SOX13: variants seen among roughly 807,000 people sequenced by gnomAD.
The protein encoded by SOX13 is SRY-box transcription factor 13.
A neutral mutation model predicts 71.8 loss-of-function variants in SOX13; 28 were observed. The observed-to-expected ratio is 0.39, with a 90% CI of 0.29 to 0.53. The LOEUF (loss-of-function observed/expected upper bound fraction) is 0.53, where lower values mean the gene tolerates loss of function less well. SOX13 is among the 20% of genes least tolerant of loss of function. The pLI is 0.70. For synonymous variants in SOX13, 309 were observed against 317.8 expected (o/e 0.97, Z 0.29); for missense variants, 627 against 810.3 (o/e 0.77, Z 2.75).
At chr1:204,102,051 A>G (rs760734652) in intron 1 of SOX13, among the ~76,000 whole-genome samples, 6 of 152,242 alleles carry the variant, frequency 3.9e-5, no homozygotes, top group Non-Finnish European at 8.8e-5. Context: ...TGGCTAGTTA[A>G]GACGGATGCT....
At position 204,122,262 on chromosome 1, in the gene SOX13, C is replaced by T; in HGVS notation, c.887C>T (p.Thr296Ile). ...LQEPSQPLNL[T>I]AKPKAPELPN... ...GAGCCCTCCCAGCCCCTGAACCTCA[C>T]AGCCAAGCCCAAGGCCCCCGAGCTG... The change falls in exon 9 of 14, where the codon ACA (threonine) becomes ATA (isoleucine). Residue 296 changes from threonine to isoleucine, a missense_variant. Physicochemically the swap from Thr to Ile is moderately conservative, Grantham distance 89. Around this residue, in one of 3 missense-constraint regions of SOX13, gnomAD observed 447 missense variants for 532.2 expected, o/e 0.84. Coordinates refer to ENST00000367204, the MANE Select transcript of SOX13 (RefSeq NM_005686.3). 1 of 1,590,986 alleles carries T rather than the reference C, an allele frequency of 6.3e-7. No homozygotes were observed. Among genetic ancestry groups the T allele is most frequent in the Non-Finnish European group, 8.6e-7 (1 of 1,169,128 alleles).
chr1:204,082,767 A>C (rs1013373473), intron 1 of SOX13, among the ~76,000 whole-genome samples: 3 of 152,128 alleles, frequency 2.0e-5, no homozygotes, highest in Non-Finnish European at 4.4e-5. Context: ...GAGAAAGGGG[A>C]CCTGTGTCAA....
At chr1:204,108,829 G>A (rs563842925) in intron 1 of SOX13, among the ~76,000 whole-genome samples, 1 of 152,362 alleles carries the variant, frequency 6.6e-6, no homozygotes, top group Admixed American at 6.5e-5. Context: ...CAGTGCTGCT[G>A]CCTTTTATTT....
chr1:204,109,693 G>A (rs1656538933), intron 1 of SOX13, among the ~76,000 whole-genome samples: 1 of 152,070 alleles, frequency 6.6e-6, no homozygotes, highest in Non-Finnish European at 1.5e-5. Context: ...TATCTGAGAC[G>A]GTTGGTTCCA....
At chr1:204,114,457 G>A in intron 3 of SOX13, 25 bp downstream of exon 3, 1 of 1,607,472 alleles carries the variant, frequency 6.2e-7, no homozygotes, top group Non-Finnish European at 8.5e-7. Flanking sequence ...CTAGTTAGAA[G>A]CAGAGGCCTG....
At chr1:204,112,396 G>A (rs184031479) in intron 1 of SOX13, among the ~76,000 whole-genome samples, 13 of 151,164 alleles carry the variant, frequency 8.6e-5, no homozygotes, top group Non-Finnish European at 1.5e-5. Flanking sequence ...AGCCGAGATC[G>A]TGCCCTTGCA....
chr1:204,115,200 G>A (rs1310745229), intron 4 of SOX13, among the ~76,000 whole-genome samples: 4 of 151,736 alleles, frequency 2.6e-5, no homozygotes, highest in Non-Finnish European at 5.9e-5. Context: ...TAGAGATGAC[G>A]TCTTACTATG....
chr1:204,122,553 C>G, intron 9 of SOX13, 154 bp downstream of exon 9: 1 of 644,078 alleles, frequency 1.6e-6, no homozygotes, highest in Non-Finnish European at 2.7e-6. Context: ...CCCCTTCTTC[C>G]TCTCCCTCAT....
At chr1:204,097,782 A>C (rs1375280294) in intron 1 of SOX13, among the ~76,000 whole-genome samples, 2 of 152,168 alleles carry the variant, frequency 1.3e-5, no homozygotes, top group African/African-American at 2.4e-5. Flanking sequence ...TTTGATAGAA[A>C]TAGGCCAAAT....
At chr1:204,116,803 G>T (rs969394505) in intron 5 of SOX13, 124 bp downstream of exon 5, 79 of 1,499,002 alleles carry the variant, frequency 5.3e-5, no homozygotes, top group Middle Eastern at 5.0e-4. Context: ...GGCTGGGCAG[G>T]GTCTGTGGCC....
At chr1:204,110,062 C>T (rs532274796) in intron 1 of SOX13, among the ~76,000 whole-genome samples, 72 of 152,112 alleles carry the variant, frequency 4.7e-4, no homozygotes, top group African/African-American at 1.6e-3. Flanking sequence ...GAACTCCCGG[C>T]TTCAGGTGCT....
intron 1 of SOX13, among the ~76,000 whole-genome samples, chr1:204,100,577 C>T (rs1010436301): frequency 1.3e-5 from 2 of 152,162 alleles, no homozygotes; most frequent in African/African-American, 2.4e-5. Flanking sequence ...AACAAACAGC[C>T]ACCCATAAAT....
intron 1 of SOX13, among the ~76,000 whole-genome samples, chr1:204,111,252 A>AT (rs1656574843): frequency 6.6e-6 from 1 of 152,184 alleles, no homozygotes; most frequent in Admixed American, 6.5e-5. Context: ...CGGCCATCCT[A>AT]TAGTGTAGAG....
chr1:204,104,708 G>A (rs1247137541), intron 1 of SOX13, among the ~76,000 whole-genome samples: 2 of 152,236 alleles, frequency 1.3e-5, no homozygotes, highest in African/African-American at 2.4e-5. Flanking sequence ...TGTGCCCAGC[G>A]GGGAAGTGTA....
chr1:204,101,504 T>A (rs867252398), intron 1 of SOX13, among the ~76,000 whole-genome samples: 7 of 134,586 alleles, frequency 5.2e-5, no homozygotes, highest in Non-Finnish European at 6.2e-5. Context: ...CCTCTTTATT[T>A]AAAAAAAAAA....
intron 1 of SOX13, among the ~76,000 whole-genome samples, chr1:204,075,559 G>GTGATC (rs1655770593): frequency 6.6e-6 from 1 of 152,192 alleles, no homozygotes; most frequent in African/African-American, 2.4e-5. Context: ...CTGGCATGTC[G>GTGATC]TGATCGTTTG....
At chr1:204,085,055 A>G (rs1351410067) in intron 1 of SOX13, among the ~76,000 whole-genome samples, 3 of 152,180 alleles carry the variant, frequency 2.0e-5, no homozygotes, top group Non-Finnish European at 4.4e-5. Flanking sequence ...ATGAGACTTA[A>G]GGGATTCCAG....
intron 1 of SOX13, among the ~76,000 whole-genome samples, chr1:204,107,595 C>G (rs1656494045): frequency 6.6e-6 from 1 of 152,102 alleles, no homozygotes; most frequent in South Asian, 2.1e-4. Flanking sequence ...GGCTTGGTTC[C>G]CTCAAGACCA....
intron 1 of SOX13, among the ~76,000 whole-genome samples, chr1:204,080,040 GT>G (rs1199738717): frequency 2.6e-5 from 4 of 152,174 alleles, no homozygotes; most frequent in African/African-American, 7.2e-5. Flanking sequence ...AGCCAGGGGT[GT>G]TTTTTGGGGG....
Sources: allele counts gnomAD v4.1 joint callset (sites outside exome capture counted in the v4.1 genomes callset), GRCh38; gene constraint gnomAD v4.1.1; regional missense constraint gnomAD v4.1.1; transcripts MANE v1.5; gene names NCBI Gene and HGNC (gene_info 2026-07-23, HGNC 2026-07-21).